The following GRM1 variants were observed in gnomAD, a reference collection of about 807,000 sequenced individuals.
GRM1 encodes glutamate metabotropic receptor 1.
In GRM1, 33 loss-of-function variants were observed where a neutral mutation model predicts 90.9. The observed-to-expected ratio is 0.36, with a 90% CI of 0.28 to 0.49. The LOEUF is 0.49. Among genes scored for constraint, GRM1 ranks in the 20% least tolerant of loss-of-function variants. The pLI, the probability that GRM1 is intolerant of heterozygous loss-of-function variation, is 0.99. For missense variants in GRM1, 1,190 were observed against 1,534.3 expected (o/e 0.78, Z 3.75); for synonymous variants, 700 against 613.2 (o/e 1.14, Z -2.09).
intron 5 of GRM1, among the ~76,000 whole-genome samples, chr6:146,369,223 CT>C (rs1562644626): frequency 1.3e-5 from 2 of 151,672 alleles, no homozygotes; most frequent in Non-Finnish European, 2.9e-5. Context: ...GGTCTTCTCT[CT>C]TTTTTTCTTA....
chr6:146,142,554 T>G (rs1776920438), intron 1 of GRM1, among the ~76,000 whole-genome samples: 1 of 152,024 alleles, frequency 6.6e-6, no homozygotes, highest in Non-Finnish European at 1.5e-5. Flanking sequence ...TCAGAAAACT[T>G]AGGGATTTAC....
chr6:146,416,204 A>G (rs1562684415), intron 7 of GRM1, among the ~76,000 whole-genome samples: 1 of 152,082 alleles, frequency 6.6e-6, no homozygotes, highest in Non-Finnish European at 1.5e-5. Context: ...TAGTTTATTT[A>G]TATGTAATAT....
intron 1 of GRM1, among the ~76,000 whole-genome samples, chr6:146,083,269 G>T (rs1243472739): frequency 1.3e-5 from 2 of 152,118 alleles, no homozygotes; most frequent in Non-Finnish European, 2.9e-5. Context: ...CCAATACTAT[G>T]TTGAATAGGA....
intron 1 of GRM1, among the ~76,000 whole-genome samples, chr6:146,060,174 G>C (rs1775614140): frequency 6.6e-6 from 1 of 151,942 alleles, no homozygotes; most frequent in African/African-American, 2.4e-5. Flanking sequence ...TTTAACTTTT[G>C]ATTTAAGAGG....
At chr6:146,269,038 A>G (rs532129207) in intron 2 of GRM1, among the ~76,000 whole-genome samples, 1 of 152,268 alleles carries the variant, frequency 6.6e-6, no homozygotes, top group Non-Finnish European at 1.5e-5. Context: ...TTTTTTCCCT[A>G]GACTTACAAA....
intron 5 of GRM1, among the ~76,000 whole-genome samples, chr6:146,374,197 C>T (rs1776008822): frequency 2.0e-5 from 3 of 152,064 alleles, no homozygotes; most frequent in Admixed American, 6.6e-5. Context: ...TGAACCATCC[C>T]TGCATCCCAG....
At chr6:146,337,687 G>A (rs1268715553) in intron 3 of GRM1, among the ~76,000 whole-genome samples, 1 of 152,090 alleles carries the variant, frequency 6.6e-6, no homozygotes, top group Admixed American at 6.6e-5. Context: ...GATGTACTTG[G>A]TGAATCAGAC....
chr6:146,128,915 C>A (rs1457779930), intron 1 of GRM1, among the ~76,000 whole-genome samples: 4 of 152,220 alleles, frequency 2.6e-5, no homozygotes, highest in African/African-American at 9.6e-5. Flanking sequence ...TTAGTTAAAG[C>A]TGTAAAAACC....
At chr6:146,073,289 G>A (rs375988957) in intron 1 of GRM1, among the ~76,000 whole-genome samples, 5 of 152,154 alleles carry the variant, frequency 3.3e-5, no homozygotes, top group African/African-American at 1.2e-4. Context: ...GGGGGCTGAG[G>A]CTTAAGAAGT....
intron 7 of GRM1, among the ~76,000 whole-genome samples, chr6:146,401,220 C>T (rs1412525898): frequency 6.6e-6 from 1 of 152,140 alleles, no homozygotes; most frequent in Non-Finnish European, 1.5e-5. Flanking sequence ...CTAATTTTCT[C>T]AAAACTAGGA....
chr6:146,175,456 C>A (rs907599329), intron 2 of GRM1, among the ~76,000 whole-genome samples: 1 of 152,094 alleles, frequency 6.6e-6, no homozygotes, highest in Non-Finnish European at 1.5e-5. Flanking sequence ...TCAGGTAAAG[C>A]CTCTCACAAG....
At chr6:146,316,683 T>A (rs2114958132) in intron 3 of GRM1, among the ~76,000 whole-genome samples, 1 of 152,308 alleles carries the variant, frequency 6.6e-6, no homozygotes, top group Non-Finnish European at 1.5e-5. Context: ...CAGGGAAGTC[T>A]CTTATTTCGC....
At position 146,312,422 on chromosome 6, in the gene GRM1, A is replaced by G. The variant is rs573645719; in HGVS notation, c.1186+7576A>G. Reference sequence around the variant, plus strand: ...TGACTCCATTGAGACAAATTTTTTGATAAATCATCCCAAAAGACAAATTTT... The same window carrying G: ...TGACTCCATTGAGACAAATTTTTTGGTAAATCATCCCAAAAGACAAATTTT... On this transcript the variant is annotated intron_variant, in intron 3 of 7. Coordinates refer to ENST00000282753, the MANE Select transcript of GRM1 (RefSeq NM_001278064.2). 3.4e-5 allele frequency among the ~76,000 whole-genome samples: 5 copies of G among 145,420 alleles called. No homozygotes were observed. The South Asian group carries it at 1.1e-3, about 33-fold the overall frequency.
rs147679057 is a variant in GRM1, at chr6:146,230,437, G to T, written c.950+70840G>T. 4.1e-3 allele frequency among the ~76,000 whole-genome samples: 624 copies of T among 152,070 alleles called. 6 individuals carry two copies. The highest frequency in any genetic ancestry group is 0.014 in the African/African-American group (597 of 41,520). On this transcript the variant is annotated intron_variant, in intron 2 of 7. Coordinates refer to ENST00000282753, the MANE Select transcript of GRM1 (RefSeq NM_001278064.2). ...ATGCTTCTCATCACATTTCATCAAA[G>T]AAATACAAATTAAAACAAAAAAGAG...
chr6:146,413,249 T>A (rs1777633533), intron 7 of GRM1, among the ~76,000 whole-genome samples: 1 of 152,146 alleles, frequency 6.6e-6, no homozygotes, highest in Non-Finnish European at 1.5e-5. Context: ...AATCTGATAA[T>A]AATCTTTTTT....
At chr6:146,092,396 C>T (rs1000345152) in intron 1 of GRM1, among the ~76,000 whole-genome samples, 1 of 152,086 alleles carries the variant, frequency 6.6e-6, no homozygotes, top group Non-Finnish European at 1.5e-5. Flanking sequence ...TCACCTTTTG[C>T]AGGTATCTAT....
chr6:146,169,598 A>C lies in GRM1; in HGVS notation c.950+10001A>C, dbSNP rs553387459. ...TCCTTTTTGGTACTCTGTCCCAGTAAGTCTACCTGCTTCAACCTTCCCAAA... is the reference window on the plus strand; with the variant it reads ...TCCTTTTTGGTACTCTGTCCCAGTACGTCTACCTGCTTCAACCTTCCCAAA... On this transcript the variant is annotated intron_variant, in intron 2 of 7. Transcript: ENST00000282753. Among the ~76,000 whole-genome samples the C allele has an allele frequency of 7.9e-5, 12 of 152,250 alleles. No individual in the cohort carries two copies. The East Asian group carries it at 2.3e-3, about 29-fold the overall frequency.
intron 2 of GRM1, among the ~76,000 whole-genome samples, chr6:146,199,300 C>T (rs2114609179): frequency 6.6e-6 from 1 of 152,302 alleles, no homozygotes; most frequent in African/African-American, 2.4e-5. Flanking sequence ...GCAACTCAAG[C>T]AACTCAAGCA....
chr6:146,312,197 C>T (rs867909763), intron 3 of GRM1, among the ~76,000 whole-genome samples: 1 of 151,342 alleles, frequency 6.6e-6, no homozygotes, highest in Non-Finnish European at 1.5e-5. Flanking sequence ...AAAAATTAGC[C>T]GGGCACAGTG....
Sources: allele counts gnomAD v4.1 joint callset (sites outside exome capture counted in the v4.1 genomes callset), GRCh38; gene constraint gnomAD v4.1.1; transcripts MANE v1.5; gene names NCBI Gene and HGNC (gene_info 2026-07-23, HGNC 2026-07-21).